PTPRM: variants seen among roughly 807,000 people sequenced by gnomAD.
PTPRM encodes the protein protein tyrosine phosphatase receptor type M.
A neutral mutation model predicts 186.7 loss-of-function variants in PTPRM; 47 were observed. That is an observed-to-expected ratio of 0.25 (90% CI 0.20 to 0.32). The LOEUF is 0.32. Among genes scored for constraint, PTPRM ranks in the 10% least tolerant of loss-of-function variants. The pLI, the probability that PTPRM is intolerant of heterozygous loss-of-function variation, is 1.00. For missense variants in PTPRM, 1,494 were observed against 1,865.0 expected, an observed-to-expected ratio of 0.80 and a Z score of 3.66; for synonymous variants, 668 against 674.9, an observed-to-expected ratio of 0.99 and a Z score of 0.16.
At chr18:8,200,353 A>T (rs953053808) in intron 14 of PTPRM, among the ~76,000 whole-genome samples, 7 of 152,078 alleles carry the variant, frequency 4.6e-5, no homozygotes, top group Admixed American at 2.0e-4. Context: ...GGGCAAAACC[A>T]GGGTGGGGGC....
chr18:8,078,707 G>T (rs947158293), intron 9 of PTPRM, among the ~76,000 whole-genome samples: 1 of 152,324 alleles, frequency 6.6e-6, no homozygotes. Context: ...TTATGCTTCT[G>T]CAGACCGTAC....
intron 7 of PTPRM, chr18:8,017,994 A>G (rs1336911252): frequency 6.6e-6 from 1 of 152,214 alleles, no homozygotes; most frequent in African/African-American, 2.4e-5. Context: ...TACAAGAACT[A>G]CTAAAATGTT....
At chr18:8,178,876 A>G (rs1313327681) in intron 14 of PTPRM, among the ~76,000 whole-genome samples, 2 of 152,348 alleles carry the variant, frequency 1.3e-5, no homozygotes, top group South Asian at 2.1e-4. Context: ...TTTTAAAGCC[A>G]TAAGCCTAGC....
At chr18:8,023,066 G>A (rs2085330597) in intron 7 of PTPRM, among the ~76,000 whole-genome samples, 1 of 151,688 alleles carries the variant, frequency 6.6e-6, no homozygotes, top group Admixed American at 6.6e-5. Flanking sequence ...CACAATGTAA[G>A]GTTAGCCCTC....
At chr18:7,862,346 A>G (rs1398108479) in intron 2 of PTPRM, among the ~76,000 whole-genome samples, 1 of 152,174 alleles carries the variant, frequency 6.6e-6, no homozygotes, top group African/African-American at 2.4e-5. Flanking sequence ...TAGTGATGAC[A>G]ACGTCACAAA....
In PTPRM at chr18:8,342,043, T is replaced by C. The variant is rs374052897; in HGVS notation, c.2957-1380T>C. 1.4e-4 allele frequency among the ~76,000 whole-genome samples: 21 copies of C among 152,140 alleles called. No individual in the cohort carries two copies. In the East Asian group the frequency reaches 2.9e-3, roughly 21 times the overall value. ...TCAGCTTTTATGGGGAGGGTAACAG[T>C]GTAGTCAGAAGCGGCAAGGGAGAAA... On this transcript the variant is annotated intron_variant, in intron 22 of 32. Coordinates refer to ENST00000580170, the MANE Select transcript of PTPRM (RefSeq NM_001105244.2).
chr18:7,668,913 G>C lies in PTPRM; in HGVS notation c.73+101022G>C, dbSNP rs1020464468. Among the ~76,000 whole-genome samples the C allele has an allele frequency of 1.1e-4, 16 of 151,838 alleles. No homozygotes were observed. The highest frequency in any genetic ancestry group is 3.6e-4 in the African/African-American group (15 of 41,334). On this transcript the variant is annotated intron_variant, in intron 1 of 32. Transcript: ENST00000580170. The surrounding 1 kb of genome is among the most constrained non-coding windows in gnomAD (Gnocchi z 4.7). ...TGCCTGCCTCTCTGCTTGAACAGGG[G>C]ATCTTTGTCTCTTTTCCTCAATGAC...
At chr18:7,757,617 A>T (rs1453586219) in intron 1 of PTPRM, among the ~76,000 whole-genome samples, 1 of 152,134 alleles carries the variant, frequency 6.6e-6, no homozygotes, top group Non-Finnish European at 1.5e-5. Context: ...CACACACACC[A>T]TGTGGGGTGA....
chr18:7,804,580 T>G lies in PTPRM; in HGVS notation c.196+30309T>G, dbSNP rs149204543. ...CATATTATTGCTGTTCTCTGATTGT[T>G]CTCTACAGATGGGCCTGGATTTGAA... On this transcript the variant is annotated intron_variant, in intron 2 of 32. Transcript: ENST00000580170. Among the ~76,000 whole-genome samples, 1,404 of 152,324 alleles carry G rather than the reference T, an allele frequency of 9.2e-3. 15 individuals are homozygous for G. Among genetic ancestry groups the G allele is most frequent in the Middle Eastern group, 0.027 (8 of 294 alleles).
rs764575227 is a variant in PTPRM, at chr18:8,379,289, C to T, written c.3735C>T (p.Leu1245=). Residue 1245 remains leucine (L), a synonymous_variant, in exon 28 of 33, where the codon CTC becomes CTT. Transcript: ENST00000580170. ...CCCCAGACCGCTGCCTGCCCTTCCT[C>T]ATCACCATCGATGGGGAGAGCAGCA... ...ILPPDRCLPF[L]ITIDGESSNY... 6.2e-7 allele frequency: 1 copy of T among 1,613,946 alleles called. No individual in the cohort carries two copies. Among genetic ancestry groups the T allele is most frequent in the African/African-American group, 1.3e-5 (1 of 74,920 alleles).
At chr18:7,655,496 A>G (rs926905671) in intron 1 of PTPRM, among the ~76,000 whole-genome samples, 3 of 152,242 alleles carry the variant, frequency 2.0e-5, no homozygotes, top group Admixed American at 6.5e-5. Flanking sequence ...GCAGTCTGGC[A>G]GTTTCTTACA....
At position 7,691,756 on chromosome 18, in the gene PTPRM, G is replaced by GA. The variant is rs1257786825; in HGVS notation, c.74-82387dup. Among the ~76,000 whole-genome samples, 8 of 152,114 alleles carry GA rather than the reference G, an allele frequency of 5.3e-5. No homozygotes were observed. In the East Asian group the frequency reaches 1.4e-3, roughly 26 times the overall value. Reference sequence around the variant, plus strand: ...ATAGTGAGACCCTGTTTCTGAAACAGAAAAAACAAAAAACAACAAAAACAA... The same window carrying GA: ...ATAGTGAGACCCTGTTTCTGAAACAGAAAAAAACAAAAAACAACAAAAACAA... On this transcript the variant is annotated intron_variant, in intron 1 of 32. Transcript: ENST00000580170.
At chr18:7,787,404 C>G (rs28583239) in intron 2 of PTPRM, among the ~76,000 whole-genome samples, 22,296 of 152,186 alleles carry the variant, frequency 0.15, 3,913 homozygotes, top group African/African-American at 0.42. Flanking sequence ...AACATGGGAA[C>G]ATTGGGCATC....
chr18:7,630,755 TATAC>T (rs2144073469), intron 1 of PTPRM, among the ~76,000 whole-genome samples: 1 of 152,366 alleles, frequency 6.6e-6, no homozygotes, highest in African/African-American at 2.4e-5. Context: ...GTCAGTCTCT[TATAC>T]AAGTGAGCCC....
intron 21 of PTPRM, among the ~76,000 whole-genome samples, chr18:8,315,550 G>A (rs1427559015): frequency 6.6e-6 from 1 of 152,130 alleles, no homozygotes; most frequent in African/African-American, 2.4e-5. Context: ...AAAAATCAAG[G>A]GAAAGTTGCT....
intron 2 of PTPRM, among the ~76,000 whole-genome samples, chr18:7,786,262 A>G (rs1184826413): frequency 1.3e-5 from 2 of 152,202 alleles, no homozygotes; most frequent in Non-Finnish European, 2.9e-5. Context: ...GGGTGGACAA[A>G]TTGAAACAAC....
chr18:8,011,107 A>G (rs1333565577), intron 7 of PTPRM, among the ~76,000 whole-genome samples: 2 of 152,224 alleles, frequency 1.3e-5, no homozygotes, highest in Non-Finnish European at 2.9e-5. Context: ...TGGAGTGTCT[A>G]TTCCGGACAG....
At chr18:7,648,090 T>C (rs567198968) in intron 1 of PTPRM, among the ~76,000 whole-genome samples, 13 of 152,342 alleles carry the variant, frequency 8.5e-5, no homozygotes, top group African/African-American at 2.9e-4. Flanking sequence ...TTTTTCAGAT[T>C]TTGATAATTC....
intron 26 of PTPRM, chr18:8,376,951 G>A (rs888904992): frequency 5.1e-6 from 1 of 197,366 alleles, no homozygotes; most frequent in African/African-American, 2.4e-5. Flanking sequence ...CCGCTCCTGA[G>A]AATAGTGGCT....
Sources: gnomAD v4.1 joint callset for allele counts (sites outside exome capture counted in the v4.1 genomes callset) on GRCh38, gnomAD v4.1.1 for gene constraint, Gnocchi (gnomAD v3.1) non-coding constraint, MANE v1.5 for transcripts, NCBI Gene and HGNC (gene_info 2026-07-23, HGNC 2026-07-21) for gene names.